The following LRRC8B variants were observed in gnomAD, a reference collection of about 807,000 sequenced individuals.
LRRC8B encodes the protein volume-regulated anion channel subunit LRRC8B.
In LRRC8B, 23 loss-of-function variants were observed where a neutral mutation model predicts 58.8. The ratio of observed to expected loss-of-function variants is 0.39; its 90% CI spans 0.28 to 0.55. LRRC8B has a LOEUF of 0.55. Ranked by LOEUF, LRRC8B falls within the 20% of genes least tolerant of loss-of-function variation. The pLI, the probability that LRRC8B is intolerant of heterozygous loss-of-function variation, is 0.62. For missense variants in LRRC8B, 694 were observed against 936.0 expected (o/e 0.74, Z 3.37); for synonymous variants, 359 against 374.1 (o/e 0.96, Z 0.47).
intron 1 of LRRC8B, among the ~76,000 whole-genome samples, chr1:89,559,629 TAC>T (rs71084951): frequency 0.19 from 25,768 of 136,604 alleles, 3,035 homozygotes; most frequent in Admixed American, 0.3. Context: ...TATATATATA[TAC>T]ACACACACAC....
intron 3 of LRRC8B, among the ~76,000 whole-genome samples, chr1:89,577,107 G>A (rs750244311): frequency 1.3e-5 from 2 of 152,190 alleles, no homozygotes; most frequent in Non-Finnish European, 2.9e-5. Context: ...TTTTCAATGA[G>A]AGTAGTGTAG....
rs944354349 is a variant in LRRC8B at position 89,594,518 on chromosome 1, G to A, written c.*1475G>A. On this transcript the variant is annotated 3_prime_UTR_variant, in exon 6 of 6. Transcript: ENST00000330947. ...AAATTTAGTAAGAGTTAAAGCAAAA[G>A]ACTTTTTTTCCCTCCATCTATGTAA... 1 of 152,096 alleles carries A rather than the reference G, an allele frequency of 6.6e-6. No homozygotes were observed. The highest frequency in any genetic ancestry group is 1.5e-5 in the Non-Finnish European group (1 of 67,978). 9.4% of individuals were successfully genotyped at this position (152,096 alleles called of 1,614,324 possible).
In LRRC8B at chr1:89,546,946, T is replaced by C. The variant is rs6671100; in HGVS notation, c.-240-21301T>C. ...CTTGTGAAAACTGATTGTTGTGTTA[T>C]AGGAATTTTCAAGCTAGTTAAACAT... On this transcript the variant is annotated intron_variant, in intron 1 of 5. Coordinates refer to ENST00000330947, the MANE Select transcript of LRRC8B (RefSeq NM_001369817.2). Among the ~76,000 whole-genome samples the C allele has an allele frequency of 5.9e-3, 901 of 152,352 alleles. 13 individuals carry two copies. The highest frequency in any genetic ancestry group is 0.021 in the African/African-American group (855 of 41,580).
chr1:89,548,633 C>A (rs1392518841), intron 1 of LRRC8B, among the ~76,000 whole-genome samples: 1 of 152,066 alleles, frequency 6.6e-6, no homozygotes, highest in Non-Finnish European at 1.5e-5. Context: ...TTGTTTTGAC[C>A]CCTCAGTTTT....
intron 1 of LRRC8B, among the ~76,000 whole-genome samples, chr1:89,531,425 G>T (rs1318079588): frequency 6.6e-6 from 1 of 152,176 alleles, no homozygotes; most frequent in East Asian, 1.9e-4. Flanking sequence ...GTAACAGAAA[G>T]AACAGGGGCT....
rs1180008115 is a variant in LRRC8B, at chr1:89,583,098, G to A, written c.448G>A (p.Glu150Lys). Residue 150 changes from glutamate to lysine, a missense_variant, in exon 5 of 6, where the codon GAG becomes AAG. Transcript: ENST00000330947. This position sits in a 1 kb window ranked among gnomAD's most constrained non-coding sequence, Gnocchi z 5.2. ...LHYPSTSSRL[E>K]HFVAILHKCF... ...CTACCCCAGTACCAGTTCCAGGCTC[G>A]AGCATTTTGTGGCCATCCTTCACAA... 3.1e-6 allele frequency: 5 copies of A among 1,613,962 alleles called. No individual in the cohort carries two copies. The highest frequency in any genetic ancestry group is 3.3e-5 in the Admixed American group (2 of 60,002).
chr1:89,581,273 C>CAAAAAA (rs5776023), intron 4 of LRRC8B, among the ~76,000 whole-genome samples: 3 of 72,530 alleles, frequency 4.1e-5, no homozygotes, highest in South Asian at 6.0e-4. Context: ...GACTCCGTCT[C>CAAAAAA]AAAAAAAAAA....
chr1:89,583,962 G>C lies in LRRC8B; in HGVS notation c.1312G>C (p.Glu438Gln). Residue 438 changes from glutamate (E) to glutamine (Q), a missense_variant, in exon 5 of 6, where the codon GAG becomes CAG. Glu to Gln is a conservative substitution (Grantham distance 29, BLOSUM62 2). Transcript: ENST00000330947. The surrounding 1 kb of genome is among the most constrained non-coding windows in gnomAD (Gnocchi z 5.2). ...CAACGGTCTTCCAGACAATGTCTTT[G>C]AGTTAACTGAAATGGAAGTGCTAAG... is the stretch of plus-strand genomic sequence containing the variant. ...MLNGLPDNVF[E>Q]LTEMEVLSLE... is the part of the protein sequence containing the mutation. The C allele has an allele frequency of 6.2e-7, 1 of 1,614,178 alleles. No individual in the cohort carries two copies. Among genetic ancestry groups the C allele is most frequent in the Non-Finnish European group, 8.5e-7 (1 of 1,180,040 alleles).
Position 89,594,521 on chromosome 1 carries a change from T to C in LRRC8B, c.*1478T>C, listed in dbSNP as rs1203207439. On this transcript the variant is annotated 3_prime_UTR_variant, in exon 6 of 6. Coordinates refer to ENST00000330947, the MANE Select transcript of LRRC8B (RefSeq NM_001369817.2). ...TTTAGTAAGAGTTAAAGCAAAAGAC[T>C]TTTTTTCCCTCCATCTATGTAATCT... 1.3e-5 allele frequency: 2 copies of C among 152,080 alleles called. No homozygotes were observed. The allele number at this position is 152,080 out of a possible 1,614,324, so 9.4% of individuals were successfully genotyped here. A position where few individuals can be genotyped will look rare whatever the true frequency, so the allele number is the denominator to read the frequency against.
intron 1 of LRRC8B, among the ~76,000 whole-genome samples, chr1:89,555,060 G>T (rs1049394859): frequency 2.6e-5 from 4 of 152,098 alleles, no homozygotes; most frequent in Non-Finnish European, 5.9e-5. Context: ...TTTCCAGAGG[G>T]CCCATGTTTC....
intron 1 of LRRC8B, among the ~76,000 whole-genome samples, chr1:89,532,360 T>C (rs1040900701): frequency 2.0e-5 from 3 of 152,184 alleles, no homozygotes; most frequent in African/African-American, 7.2e-5. Context: ...AACCGCTGCA[T>C]GTGATAGTGG....
At chr1:89,529,261 C>A (rs1376745887) in intron 1 of LRRC8B, among the ~76,000 whole-genome samples, 2 of 152,166 alleles carry the variant, frequency 1.3e-5, no homozygotes, top group African/African-American at 2.4e-5. Flanking sequence ...ACATCACTGG[C>A]CCCCAAATCC....
At chr1:89,553,987 C>T (rs996620137) in intron 1 of LRRC8B, among the ~76,000 whole-genome samples, 9 of 152,150 alleles carry the variant, frequency 5.9e-5, no homozygotes, top group Non-Finnish European at 1.5e-5. Context: ...AAATTCCTCT[C>T]TCCTTGTAAA....
intron 1 of LRRC8B, among the ~76,000 whole-genome samples, chr1:89,555,086 C>A (rs1652085850): frequency 6.6e-6 from 1 of 152,126 alleles, no homozygotes; most frequent in Admixed American, 6.6e-5. Flanking sequence ...TTTGCTAAGA[C>A]CAAGTGAAGC....
intron 1 of LRRC8B, among the ~76,000 whole-genome samples, chr1:89,551,461 C>T (rs1651806928): frequency 6.6e-6 from 1 of 152,080 alleles, no homozygotes. Flanking sequence ...TGTTCCACTC[C>T]ACTATTTAAT....
chr1:89,554,652 A>G (rs1652050038), intron 1 of LRRC8B, among the ~76,000 whole-genome samples: 1 of 152,322 alleles, frequency 6.6e-6, no homozygotes, highest in East Asian at 1.9e-4. Context: ...TTGGTGTTAC[A>G]TAAGGCCTTC....
chr1:89,535,335 G>A (rs972262822), intron 1 of LRRC8B, among the ~76,000 whole-genome samples: 2 of 152,038 alleles, frequency 1.3e-5, no homozygotes, highest in Non-Finnish European at 2.9e-5. Context: ...ATTCCCCCTT[G>A]GTGTACACAG....
At chr1:89,544,377 T>TTA (rs1651247376) in intron 1 of LRRC8B, among the ~76,000 whole-genome samples, 1 of 152,164 alleles carries the variant, frequency 6.6e-6, no homozygotes, top group Non-Finnish European at 1.5e-5. Flanking sequence ...TGCTGGGAAT[T>TTA]TTGGAATGTT....
intron 1 of LRRC8B, among the ~76,000 whole-genome samples, chr1:89,534,906 T>C (rs1382286350): frequency 6.6e-6 from 1 of 152,112 alleles, no homozygotes; most frequent in Admixed American, 6.5e-5. Flanking sequence ...CCCAAAAGGA[T>C]TTTTCTCAGG....
Sources: gnomAD v4.1 joint callset for allele counts (sites outside exome capture counted in the v4.1 genomes callset) on GRCh38, gnomAD v4.1.1 for gene constraint, Gnocchi (gnomAD v3.1) non-coding constraint, MANE v1.5 for transcripts, NCBI Gene and HGNC (gene_info 2026-07-23, HGNC 2026-07-21) for gene names.